Variants in KCNQ5 observed in about 807,000 individuals in gnomAD.
KCNQ5 encodes the protein potassium voltage-gated channel subfamily KQT member 5.
In KCNQ5, 30 loss-of-function variants were observed where a neutral mutation model predicts 98.2. That is an observed-to-expected ratio of 0.31 (90% CI 0.23 to 0.41). The LOEUF is 0.41. Ranked by LOEUF, KCNQ5 falls within the 10% of genes least tolerant of loss-of-function variation. The pLI is 1.00. For synonymous variants in KCNQ5, 458 were observed against 449.4 expected (o/e 1.02, Z -0.24); for missense variants, 835 against 1,182.5 (o/e 0.71, Z 4.31).
intron 1 of KCNQ5, among the ~76,000 whole-genome samples, chr6:72,973,985 T>A (rs1225833849): frequency 6.6e-6 from 1 of 152,204 alleles, no homozygotes; most frequent in Non-Finnish European, 1.5e-5. Flanking sequence ...TAAAGGTACA[T>A]TTATGATGGG....
At chr6:72,771,672 G>GTGTGTA (rs1382918279) in intron 1 of KCNQ5, among the ~76,000 whole-genome samples, 1 of 151,846 alleles carries the variant, frequency 6.6e-6, no homozygotes, top group African/African-American at 2.4e-5. Flanking sequence ...GTGTGTGTGT[G>GTGTGTA]TGTGTGTGTG....
chr6:72,902,826 A>G (rs6453610), intron 1 of KCNQ5, among the ~76,000 whole-genome samples: 95,585 of 151,826 alleles, frequency 0.63, 30,658 homozygotes, highest in East Asian at 0.8. Flanking sequence ...TCCTTTCCTG[A>G]TTTGGGTATT....
In KCNQ5 at chr6:73,158,394, G is replaced by C. The variant is rs551197372; in HGVS notation, c.1469-11352G>C. On this transcript the variant is annotated intron_variant, in intron 10 of 13. Transcript: ENST00000370398. ...CGATTCTCCTGCCTCGGCCTCCCGA[G>C]TAGCTGGGACTACAGGCGCCCACCA... 1.7e-3 allele frequency among the ~76,000 whole-genome samples: 255 copies of C among 151,942 alleles called. 1 individual carries two copies. Among genetic ancestry groups the C allele is most frequent in the African/African-American group, 5.8e-3 (239 of 41,482 alleles).
intron 1 of KCNQ5, among the ~76,000 whole-genome samples, chr6:72,700,989 ACT>A (rs1382313007): frequency 1.3e-5 from 2 of 152,218 alleles, no homozygotes; most frequent in East Asian, 3.8e-4. Context: ...CTGACATGCG[ACT>A]ACATTGCTGT....
chr6:72,922,702 T>C (rs1049213385), intron 1 of KCNQ5, among the ~76,000 whole-genome samples: 9 of 152,164 alleles, frequency 5.9e-5, no homozygotes, highest in Non-Finnish European at 1.2e-4. Context: ...CATAGTGTCC[T>C]CCAGTTTCAT....
chr6:73,017,494 T>C (rs938988700), intron 2 of KCNQ5, among the ~76,000 whole-genome samples: 1 of 152,146 alleles, frequency 6.6e-6, no homozygotes, highest in African/African-American at 2.4e-5. Context: ...TAGGTCCCAC[T>C]GTTCCCCATG....
chr6:72,712,545 T>C (rs1769423137), intron 1 of KCNQ5, among the ~76,000 whole-genome samples: 1 of 152,212 alleles, frequency 6.6e-6, no homozygotes, highest in Non-Finnish European at 1.5e-5. Flanking sequence ...CGCTTGGAAC[T>C]ACCTTTGAAA....
At chr6:72,887,935 T>A (rs1397551870) in intron 1 of KCNQ5, among the ~76,000 whole-genome samples, 1 of 152,098 alleles carries the variant, frequency 6.6e-6, no homozygotes, top group African/African-American at 2.4e-5. Flanking sequence ...TGACAGATAA[T>A]ACATTTTAAC....
At chr6:72,646,703 T>G (rs961491423) in intron 1 of KCNQ5, among the ~76,000 whole-genome samples, 1 of 152,210 alleles carries the variant, frequency 6.6e-6, no homozygotes, top group Admixed American at 6.5e-5. Flanking sequence ...TCTCTGTGAT[T>G]GGTTTAATGT....
At chr6:72,895,114 TAAAAAAAAA>T (rs71540357) in intron 1 of KCNQ5, among the ~76,000 whole-genome samples, 1 of 89,268 alleles carries the variant, frequency 1.1e-5, no homozygotes, top group African/African-American at 4.5e-5. Context: ...CCATCTCTAC[TAAAAAAAAA>T]AAAAAAAAAA....
chr6:73,085,883 A>G (rs2150399571), intron 5 of KCNQ5, among the ~76,000 whole-genome samples: 1 of 152,284 alleles, frequency 6.6e-6, no homozygotes, highest in East Asian at 1.9e-4. Context: ...AAACCACGAA[A>G]TGTAACATTT....
At chr6:72,965,187 A>G (rs1162606832) in intron 1 of KCNQ5, among the ~76,000 whole-genome samples, 1 of 152,206 alleles carries the variant, frequency 6.6e-6, no homozygotes, top group African/African-American at 2.4e-5. Context: ...AAGCACAAGA[A>G]GGCTGTGATG....
chr6:72,838,113 C>A (rs1226860058), intron 1 of KCNQ5, among the ~76,000 whole-genome samples: 7 of 111,630 alleles, frequency 6.3e-5, no homozygotes, highest in Non-Finnish European at 1.2e-4. Flanking sequence ...CTCCCCCCAC[C>A]CCACAACAGG....
chr6:72,871,524 C>T (rs1372621415), intron 1 of KCNQ5, among the ~76,000 whole-genome samples: 2 of 152,184 alleles, frequency 1.3e-5, no homozygotes, highest in African/African-American at 4.8e-5. Flanking sequence ...AATAGCTACT[C>T]ACTAAAGTTA....
chr6:72,801,093 G>T (rs1315620210), intron 1 of KCNQ5, among the ~76,000 whole-genome samples: 2 of 152,142 alleles, frequency 1.3e-5, no homozygotes, highest in African/African-American at 4.8e-5. Context: ...TGAAAAAAAT[G>T]TATATTCTGT....
At chr6:72,627,083 A>G in intron 1 of KCNQ5, among the ~76,000 whole-genome samples, 1 of 152,196 alleles carries the variant, frequency 6.6e-6, no homozygotes, top group East Asian at 1.9e-4. Flanking sequence ...GGCACAGTCT[A>G]TTTCCAACCA....
At chr6:72,802,522 C>G (rs1774714380) in intron 1 of KCNQ5, among the ~76,000 whole-genome samples, 1 of 152,124 alleles carries the variant, frequency 6.6e-6, no homozygotes, top group South Asian at 2.1e-4. Flanking sequence ...AGCTTTGTCC[C>G]TCATGTGGGC....
At chr6:72,951,754 A>G (rs1463463956) in intron 1 of KCNQ5, among the ~76,000 whole-genome samples, 1 of 152,238 alleles carries the variant, frequency 6.6e-6, no homozygotes, top group African/African-American at 2.4e-5. Flanking sequence ...TAGAAGAGAT[A>G]CTTTCTTAGG....
chr6:72,661,324 C>G (rs770508908), intron 1 of KCNQ5, among the ~76,000 whole-genome samples: 1 of 152,014 alleles, frequency 6.6e-6, no homozygotes, highest in Non-Finnish European at 1.5e-5. Flanking sequence ...AAAACTATCT[C>G]CATAGTTTTT....
Sources: gnomAD v4.1 joint callset for allele counts (sites outside exome capture counted in the v4.1 genomes callset) on GRCh38, gnomAD v4.1.1 for gene constraint, MANE v1.5 for transcripts, NCBI Gene and HGNC (gene_info 2026-07-23, HGNC 2026-07-21) for gene names.